CCDC150: variants seen among roughly 807,000 people sequenced by gnomAD.
CCDC150 encodes coiled-coil domain containing 150, also known as coiled-coil domain-containing protein 150.
In CCDC150, 151 loss-of-function variants were observed where a neutral mutation model predicts 156.5. The ratio of observed to expected loss-of-function variants is 0.97; its 90% confidence interval spans 0.85 to 1.10. CCDC150 has a LOEUF of 1.10. CCDC150 is among the 50% of genes least tolerant of loss of function. The pLI is 0.00. For synonymous variants in CCDC150, 452 were observed against 429.4 expected, an observed-to-expected ratio of 1.05 and a Z score of -0.65; for missense variants, 1,312 against 1,268.1, an observed-to-expected ratio of 1.03 and a Z score of -0.53.
At chr2:196,648,006 T>C (rs1440723265) in intron 2 of CCDC150, among the ~76,000 whole-genome samples, 1 of 152,178 alleles carries the variant, frequency 6.6e-6, no homozygotes, top group Non-Finnish European at 1.5e-5. Context: ...AAAATCATGC[T>C]ATTTGTTTTT....
chr2:196,662,995 T>A (rs955252181), intron 5 of CCDC150, among the ~76,000 whole-genome samples: 2 of 152,010 alleles, frequency 1.3e-5, no homozygotes, highest in Non-Finnish European at 2.9e-5. Context: ...CTCAGCACTT[T>A]AGGAGGCTGA....
chr2:196,682,411 T>C (rs1347919258), intron 13 of CCDC150, among the ~76,000 whole-genome samples: 1 of 151,570 alleles, frequency 6.6e-6, no homozygotes, highest in African/African-American at 2.4e-5. Context: ...CTTTTTTTTT[T>C]GTTGTTATTT....
At chr2:196,674,494 A>G (rs1039078613) in intron 10 of CCDC150, 146 bp downstream of exon 10, 19 of 591,248 alleles carry the variant, frequency 3.2e-5, no homozygotes, top group South Asian at 9.3e-5. Context: ...GTGCTTTTCA[A>G]TTTTCATCAG....
rs1170383753 is a variant in CCDC150 at position 196,719,581 on chromosome 2, C to T, written c.2080C>T (p.His694Tyr). 2 of 1,613,276 alleles carry T rather than the reference C, an allele frequency of 1.2e-6. No homozygotes were observed. Among genetic ancestry groups the T allele is most frequent in the African/African-American group, 1.3e-5 (1 of 74,904 alleles). Residue 694 changes from histidine to tyrosine, a missense_variant, in exon 19 of 28, where the codon CAC (histidine) becomes TAC (tyrosine). By Grantham distance (83) the His-to-Tyr change is moderately conservative (BLOSUM62 2). Transcript: ENST00000389175. ...CATGTTGGAGAATGTGCTGGCTTCTCACAGTAAGATGCAAGGTGCTCTGGA... is the reference window on the plus strand; with the variant it reads ...CATGTTGGAGAATGTGCTGGCTTCTTACAGTAAGATGCAAGGTGCTCTGGA... Reference protein sequence around the residue: ...TIMLENVLASHSKMQGALEKV... With the variant: ...TIMLENVLASYSKMQGALEKV...
intron 15 of CCDC150, among the ~76,000 whole-genome samples, chr2:196,706,093 T>C (rs930370675): frequency 1.3e-5 from 2 of 152,208 alleles, no homozygotes; most frequent in Non-Finnish European, 2.9e-5. Context: ...GGTAGCTTGA[T>C]GGGGATGGCC....
chr2:196,703,052 A>C (rs1289096429), intron 15 of CCDC150, among the ~76,000 whole-genome samples: 1 of 152,208 alleles, frequency 6.6e-6, no homozygotes, highest in East Asian at 1.9e-4. Flanking sequence ...TCATTACCCA[A>C]ATACCTCTTA....
intron 14 of CCDC150, among the ~76,000 whole-genome samples, chr2:196,699,891 G>A (rs531346637): frequency 3.9e-5 from 6 of 152,198 alleles, no homozygotes; most frequent in African/African-American, 9.6e-5. Context: ...AATCTAGTTT[G>A]GAATGTGTTT....
At position 196,678,747 on chromosome 2, in the gene CCDC150, A is replaced by T. The variant is rs543096845; in HGVS notation, c.1509+1386A>T. Among the ~76,000 whole-genome samples the T allele has an allele frequency of 5.9e-5, 9 of 152,196 alleles. No homozygotes were observed. In the South Asian group the frequency reaches 1.9e-3, roughly 32 times the overall value. On this transcript the variant is annotated intron_variant, in intron 13 of 27. Coordinates refer to ENST00000389175, the MANE Select transcript of CCDC150 (RefSeq NM_001080539.2). ...GCAAAACCCTGTCTCTACTAAAAAT[A>T]CAAAAAAAATTAACCAGGTGCGGTG...
chr2:196,648,685 G>A (rs1692687878), intron 2 of CCDC150, among the ~76,000 whole-genome samples: 2 of 152,056 alleles, frequency 1.3e-5, no homozygotes, highest in Non-Finnish European at 2.9e-5. Context: ...CTGTGCTTTG[G>A]GAGTCATATC....
intron 17 of CCDC150, among the ~76,000 whole-genome samples, chr2:196,715,033 C>T (rs1232993980): frequency 6.6e-6 from 1 of 152,116 alleles, no homozygotes; most frequent in Non-Finnish European, 1.5e-5. Context: ...AGACATCCTC[C>T]TTTGTTACCG....
chr2:196,661,863 C>A (rs917059440), intron 5 of CCDC150, among the ~76,000 whole-genome samples: 1 of 151,950 alleles, frequency 6.6e-6, no homozygotes, highest in Non-Finnish European at 1.5e-5. Context: ...TAAAAGTGGC[C>A]GTTCTTTAAA....
At chr2:196,707,392 T>G (rs1363259905) in intron 15 of CCDC150, among the ~76,000 whole-genome samples, 2 of 152,162 alleles carry the variant, frequency 1.3e-5, no homozygotes, top group South Asian at 4.1e-4. Context: ...ATTTGATTCT[T>G]CTCTATTTTT....
chr2:196,695,194 A>G, intron 14 of CCDC150, 35 bp downstream of exon 14: 2 of 1,112,032 alleles, frequency 1.8e-6, no homozygotes, highest in Non-Finnish European at 2.7e-6. Flanking sequence ...ATAGCAATTA[A>G]TGACTAATGA....
chr2:196,668,676 A>G (rs1400948993), intron 7 of CCDC150, among the ~76,000 whole-genome samples: 2 of 152,202 alleles, frequency 1.3e-5, no homozygotes, highest in Non-Finnish European at 2.9e-5. Context: ...ATTTGCTTCA[A>G]TGAATTAAAA....
chr2:196,673,604 A>G (rs1050745883), intron 9 of CCDC150, among the ~76,000 whole-genome samples: 1 of 152,074 alleles, frequency 6.6e-6, no homozygotes, highest in African/African-American at 2.4e-5. Flanking sequence ...TTGTTCTTGA[A>G]GAACTTGTTT....
In CCDC150 at chr2:196,732,768, C is replaced by T. The variant is rs1698591536; in HGVS notation, c.*206C>T. 2 of 373,176 alleles carry T rather than the reference C, an allele frequency of 5.4e-6. No homozygotes were observed. Among genetic ancestry groups the T allele is most frequent in the East Asian group, 4.4e-5 (1 of 22,634 alleles). 23.1% of individuals were successfully genotyped at this position (373,176 alleles called of 1,614,324 possible). On this transcript the variant is annotated 3_prime_UTR_variant, in exon 28 of 28. Coordinates refer to ENST00000389175, the MANE Select transcript of CCDC150 (RefSeq NM_001080539.2). ...TTTGTCCCTTTTCACATTTTCCACC[C>T]AATAAATTTGTGTTAATTTGTTGTA...
At chr2:196,642,521 T>C (rs1487730845) in intron 1 of CCDC150, among the ~76,000 whole-genome samples, 1 of 152,178 alleles carries the variant, frequency 6.6e-6, no homozygotes, top group Non-Finnish European at 1.5e-5. Flanking sequence ...GATTGAAAGT[T>C]CTTATCTCAT....
intron 15 of CCDC150, among the ~76,000 whole-genome samples, chr2:196,704,724 C>CGGGGT (rs1343201654): frequency 6.6e-6 from 1 of 152,072 alleles, no homozygotes; most frequent in Non-Finnish European, 1.5e-5. Flanking sequence ...CGACAGGCCC[C>CGGGGT]GGGGTGTGAT....
intron 1 of CCDC150, among the ~76,000 whole-genome samples, chr2:196,643,880 A>G (rs1344068977): frequency 1.3e-5 from 2 of 152,100 alleles, no homozygotes; most frequent in East Asian, 3.8e-4. Flanking sequence ...TAAAACAAAC[A>G]AAAAAAAGTT....
Sources: allele counts gnomAD v4.1 joint callset (sites outside exome capture counted in the v4.1 genomes callset), GRCh38; gene constraint gnomAD v4.1.1; transcripts MANE v1.5; gene names NCBI Gene and HGNC (gene_info 2026-07-23, HGNC 2026-07-21).